The following SBK1 variants were observed in gnomAD, a reference collection of about 807,000 sequenced individuals.
SBK1 encodes SH3 domain binding kinase 1.
A neutral mutation model predicts 24.4 loss-of-function variants in SBK1; 11 were observed. The observed-to-expected ratio is 0.45, with a 90% CI of 0.28 to 0.75. The LOEUF (loss-of-function observed/expected upper bound fraction) is 0.75, where lower values mean the gene tolerates loss of function less well. Among genes scored for constraint, SBK1 ranks in the 30% least tolerant of loss-of-function variants. SBK1 has a pLI of 0.12. For missense variants in SBK1, 467 were observed against 620.5 expected (o/e 0.75, Z 2.63); for synonymous variants, 308 against 284.4 (o/e 1.08, Z -0.83).
At chr16:28,261,665 G>C (rs1408090000) in intron 1 of SBK1, among the ~76,000 whole-genome samples, 2 of 152,160 alleles carry the variant, frequency 1.3e-5, no homozygotes, top group Non-Finnish European at 2.9e-5. Context: ...GGAATAATCT[G>C]AGTTGAATTG....
At chr16:28,269,790 C>T (rs546504868) in intron 1 of SBK1, among the ~76,000 whole-genome samples, 1 of 151,852 alleles carries the variant, frequency 6.6e-6, no homozygotes, top group African/African-American at 2.4e-5. Flanking sequence ...GCACGAGAAT[C>T]GCTTGAACTC....
At chr16:28,277,505 C>A (rs1041181689) in intron 1 of SBK1, among the ~76,000 whole-genome samples, 3 of 152,010 alleles carry the variant, frequency 2.0e-5, no homozygotes, top group Non-Finnish European at 4.4e-5. Context: ...AGTGAGACCC[C>A]CGTCTCCACA....
chr16:28,293,399 T>G (rs1347683231), intron 1 of SBK1, 99 bp downstream of exon 1: 2 of 558,870 alleles, frequency 3.6e-6, no homozygotes, highest in Admixed American at 6.3e-5. Context: ...CGCTCCCCCT[T>G]CCCCAGCGTC....
chr16:28,301,494 G>A (rs1428451571), intron 1 of SBK1, among the ~76,000 whole-genome samples: 2 of 152,226 alleles, frequency 1.3e-5, no homozygotes, highest in Non-Finnish European at 2.9e-5. Flanking sequence ...TGGTGGGGAG[G>A]GCAGTGAGGA....
intron 1 of SBK1, among the ~76,000 whole-genome samples, chr16:28,293,543 G>A (rs2044617267): frequency 6.6e-6 from 1 of 152,106 alleles, no homozygotes; most frequent in African/African-American, 2.4e-5. Flanking sequence ...CGGAGGAGTG[G>A]TGGTGGAGCC....
At chr16:28,288,869 C>G (rs941429081), upstream of SBK1, among the ~76,000 whole-genome samples, 11 of 152,200 alleles carry the variant, frequency 7.2e-5, no homozygotes, top group Admixed American at 6.5e-5. Context: ...TGCTGTGTCC[C>G]CTGGCTAGAG....
chr16:28,314,618 C>T (rs964933639), intron 1 of SBK1, among the ~76,000 whole-genome samples: 1 of 152,110 alleles, frequency 6.6e-6, no homozygotes, highest in Non-Finnish European at 1.5e-5. Context: ...GAGCTGTGGT[C>T]ATTGTTCTTC....
At chr16:28,279,509 G>A (rs907069310) in intron 1 of SBK1, among the ~76,000 whole-genome samples, 2 of 151,732 alleles carry the variant, frequency 1.3e-5, no homozygotes, top group Non-Finnish European at 2.9e-5. Flanking sequence ...AGAAATAAGA[G>A]GCCCCACGTT....
At chr16:28,263,594 C>T (rs2044410416) in intron 1 of SBK1, among the ~76,000 whole-genome samples, 1 of 152,128 alleles carries the variant, frequency 6.6e-6, no homozygotes, top group Admixed American at 6.5e-5. Context: ...AACAGTCAGG[C>T]CACGCAGGCC....
At chr16:28,276,953 A>C (rs28575625) in intron 1 of SBK1, among the ~76,000 whole-genome samples, 149,473 of 152,144 alleles carry the variant, frequency 0.98, 73,480 homozygotes, top group Middle Eastern at 1. Context: ...CGTGAGCCAC[A>C]GCTCCCGGGC....
rs1336860943 is a variant in SBK1, at chr16:28,320,212, G to A, written c.566G>A (p.Arg189His). The change falls in exon 4 of 4, where the codon CGC (arginine) becomes CAC (histidine). Residue 189 changes from arginine to histidine, a missense_variant. Physicochemically the swap from Arg to His is conservative, Grantham distance 29. Coordinates refer to ENST00000341901, the MANE Select transcript of SBK1 (RefSeq NM_001024401.3). The surrounding 1 kb of genome is among the most constrained non-coding windows in gnomAD (Gnocchi z 8.5). ...CTGCTGTTCGACCGCGAGTGCCGCC[G>A]CGTAAAGCTGGCCGACTTCGGCATG... ...NVLLFDRECRRVKLADFGMTR... is the reference protein window; with the variant it reads ...NVLLFDRECRHVKLADFGMTR... 1.9e-6 allele frequency: 3 copies of A among 1,594,136 alleles called. No individual in the cohort carries two copies. Among genetic ancestry groups the A allele is most frequent in the South Asian group, 1.1e-5 (1 of 90,196 alleles).
intron 1 of SBK1, among the ~76,000 whole-genome samples, chr16:28,272,473 C>A (rs192305393): frequency 1.3e-5 from 2 of 152,064 alleles, no homozygotes; most frequent in Non-Finnish European, 2.9e-5. Flanking sequence ...AACTATAGAA[C>A]CAAAATCTAG....
chr16:28,277,352 G>GA (rs981505715), intron 1 of SBK1, among the ~76,000 whole-genome samples: 71 of 146,722 alleles, frequency 4.8e-4, no homozygotes, highest in African/African-American at 1.0e-3. Context: ...GAGAGAGAGA[G>GA]AAAAAAAAAA....
At position 28,322,951 on chromosome 16, in the gene SBK1, T is replaced by G. The variant is rs878884169; in HGVS notation, c.*2030T>G. 1 of 135,216 alleles carries G rather than the reference T, an allele frequency of 7.4e-6. No homozygotes were observed. The highest frequency in any genetic ancestry group is 3.0e-5 in the African/African-American group (1 of 33,358). 8.4% of individuals were successfully genotyped at this position (135,216 alleles called of 1,614,324 possible). A position where few individuals can be genotyped will look rare whatever the true frequency, so the allele number is the denominator to read the frequency against. On this transcript the variant is annotated 3_prime_UTR_variant, in exon 4 of 4. Transcript: ENST00000341901. ...CTCTCCCTCTCTCTCTCTCTCTCTC[T>G]CTCTCTCTCTCTCTCTCTCTCTCTC... is the stretch of plus-strand genomic sequence containing the variant.
intron 1 of SBK1, among the ~76,000 whole-genome samples, chr16:28,308,740 G>GGTGTGT (rs763015809): frequency 0.04 from 5,279 of 130,494 alleles, 126 homozygotes; most frequent in Middle Eastern, 0.062. Context: ...CGTTCTTTGG[G>GGTGTGT]GTGTGTGTGT....
At chr16:28,271,492 G>A (rs1255534474) in intron 1 of SBK1, among the ~76,000 whole-genome samples, 3 of 152,164 alleles carry the variant, frequency 2.0e-5, no homozygotes, top group Non-Finnish European at 4.4e-5. Flanking sequence ...GGGAGGCGGA[G>A]GTTGCAGTGA....
At chr16:28,279,340 A>G (rs2044514499) in intron 1 of SBK1, among the ~76,000 whole-genome samples, 1 of 146,206 alleles carries the variant, frequency 6.8e-6, no homozygotes, top group Non-Finnish European at 1.5e-5. Context: ...TCGAGGCTGC[A>G]GTGAGGTATG....
chr16:28,279,053 C>T (rs1009711707), intron 1 of SBK1, among the ~76,000 whole-genome samples: 11 of 151,832 alleles, frequency 7.2e-5, no homozygotes, highest in East Asian at 1.9e-4. Flanking sequence ...TGGTCAAACC[C>T]GCTCTCTACC....
At position 28,280,149 on chromosome 16, in the gene SBK1, A is replaced by ATGTGTGTGTGTGTG. The variant is rs71380914; in HGVS notation, c.257+20657_257+20670dup. ...TATATATATATATATATATATATAT[A>ATGTGTGTGTGTGTG]TGTGTGTGTGTGTGTGTGTGTGTAT... On this transcript the variant is annotated intron_variant, in intron 1 of 3. Transcript: ENST00000671413. 1.0e-3 allele frequency among the ~76,000 whole-genome samples: 40 copies of ATGTGTGTGTGTGTG among 39,398 alleles called. 2 individuals are homozygous for ATGTGTGTGTGTGTG. Among genetic ancestry groups the ATGTGTGTGTGTGTG allele is most frequent in the Non-Finnish European group, 1.2e-3 (23 of 18,478 alleles). The allele number at this position is 39,398 out of a possible 152,430, so 25.8% of individuals were successfully genotyped here. A position where few individuals can be genotyped will look rare whatever the true frequency, so the allele number is the denominator to read the frequency against.
Sources: gnomAD v4.1 joint callset for allele counts (sites outside exome capture counted in the v4.1 genomes callset) on GRCh38, gnomAD v4.1.1 for gene constraint, Gnocchi (gnomAD v3.1) non-coding constraint, MANE v1.5 for transcripts, NCBI Gene and HGNC (gene_info 2026-07-23, HGNC 2026-07-21) for gene names.